The following MBNL1 variants were observed in gnomAD, a reference collection of about 807,000 sequenced individuals.
MBNL1 encodes the protein muscleblind like splicing regulator 1.
Under a neutral mutation model 42.2 loss-of-function variants are expected in MBNL1, and 8 were observed. That is an observed-to-expected ratio of 0.19 (90% CI 0.11 to 0.34). The LOEUF is 0.34. MBNL1 is among the 10% of genes least tolerant of loss of function. The pLI, the probability that MBNL1 is intolerant of heterozygous loss-of-function variation, is 1.00. For synonymous variants in MBNL1, 169 were observed against 173.9 expected, an observed-to-expected ratio of 0.97 and a Z score of 0.22; for missense variants, 309 against 495.3, an observed-to-expected ratio of 0.62 and a Z score of 3.57.
chr3:152,264,025 G>C (rs1576821723), upstream of MBNL1: 1 of 150,826 alleles, frequency 6.6e-6, no homozygotes, highest in African/African-American at 2.4e-5. Flanking sequence ...GCCTGCATAT[G>C]ACCAGCTCAG....
At chr3:152,452,261 G>A (rs67601303) in intron 6 of MBNL1, among the ~76,000 whole-genome samples, 15,742 of 152,140 alleles carry the variant, frequency 0.1, 1,055 homozygotes, top group Middle Eastern at 0.18. Flanking sequence ...TGAAATTACG[G>A]CGTGTAAGAA....
At chr3:152,285,225 CCTTCTTTTGG>C (rs2050872258) in intron 1 of MBNL1, among the ~76,000 whole-genome samples, 1 of 152,180 alleles carries the variant, frequency 6.6e-6, no homozygotes, top group Non-Finnish European at 1.5e-5. Flanking sequence ...TATCTCTCTC[CCTTCTTTTGG>C]CTTCTGTTGT....
intron 2 of MBNL1, among the ~76,000 whole-genome samples, chr3:152,352,832 G>C (rs1441958924): frequency 2.6e-5 from 4 of 152,196 alleles, no homozygotes; most frequent in Non-Finnish European, 4.4e-5. Flanking sequence ...TTGTGTCAGT[G>C]CTCACTTAGT....
Position 152,249,984 on chromosome 3 carries a change from G to T in MBNL1, n.333+5544G>T, listed in dbSNP as rs1304449377. Among the ~76,000 whole-genome samples the T allele has an allele frequency of 1.5e-3, 217 of 146,386 alleles. 1 individual carries two copies. The highest frequency in any genetic ancestry group is 0.014 in the Middle Eastern group (4 of 284). On this transcript the variant is annotated intron_variant and non_coding_transcript_variant, in intron 2 of 2. Transcript: ENST00000477171. The stretch of plus-strand genomic sequence containing the variant: ...TTCTGTTCCATTGATCTATATCTCT[G>T]TTTTGGTACCAGTACCATGCTGTTT...
At chr3:152,280,149 T>C (rs1457020328) in intron 1 of MBNL1, among the ~76,000 whole-genome samples, 4 of 152,092 alleles carry the variant, frequency 2.6e-5, no homozygotes, top group Admixed American at 6.6e-5. Context: ...CTATACCCTT[T>C]GGAGGAAAAA....
intron 9 of MBNL1, among the ~76,000 whole-genome samples, chr3:152,460,617 A>G (rs1002127264): frequency 3.9e-5 from 6 of 151,980 alleles, no homozygotes; most frequent in Non-Finnish European, 7.4e-5. Flanking sequence ...AGTATAAAAA[A>G]AAAAACAAAA....
intron 1 of MBNL1, among the ~76,000 whole-genome samples, chr3:152,277,280 G>A (rs1369515621): frequency 2.6e-5 from 4 of 151,998 alleles, no homozygotes; most frequent in South Asian, 2.1e-4. Flanking sequence ...TAATTTCAAC[G>A]TTAGGCCTAT....
intron 1 of MBNL1, among the ~76,000 whole-genome samples, chr3:152,290,543 A>G (rs567897915): frequency 5.9e-5 from 9 of 152,210 alleles, no homozygotes; most frequent in South Asian, 2.1e-4. Context: ...TCTGTGATCA[A>G]TTAACTTCAT....
intron 2 of MBNL1, among the ~76,000 whole-genome samples, chr3:152,347,722 G>A (rs1436828921): frequency 6.6e-6 from 1 of 152,084 alleles, no homozygotes; most frequent in Non-Finnish European, 1.5e-5. Flanking sequence ...TGTTTTCTCG[G>A]AAGTATACCT....
At chr3:152,415,271 A>G (rs2098678555) in intron 3 of MBNL1, among the ~76,000 whole-genome samples, 160 bp downstream of exon 3, 1 of 152,226 alleles carries the variant, frequency 6.6e-6, no homozygotes, top group Non-Finnish European at 1.5e-5. Flanking sequence ...TGCTGGAACA[A>G]TTTATACTTT....
chr3:152,413,543 A>G (rs551655557), intron 2 of MBNL1, among the ~76,000 whole-genome samples: 4 of 152,318 alleles, frequency 2.6e-5, no homozygotes, highest in Admixed American at 2.0e-4. Flanking sequence ...GCAGTATCCT[A>G]TGATTCTAGC....
At chr3:152,455,445 T>G (rs1248530940) in intron 6 of MBNL1, 97 bp from the exon 7 acceptor site, 6 of 990,046 alleles carry the variant, frequency 6.1e-6, no homozygotes, top group Non-Finnish European at 9.7e-6. Flanking sequence ...ATTTTTCTTC[T>G]TTGTTCAAAT....
chr3:152,299,034 A>C (rs1335468814), intron 1 of MBNL1: 1 of 152,616 alleles, frequency 6.6e-6, no homozygotes, highest in African/African-American at 2.4e-5. Flanking sequence ...TTGCAGTGGA[A>C]TAAGTCACAT....
chr3:152,460,665 A>G (rs909643437), intron 9 of MBNL1, among the ~76,000 whole-genome samples: 1 of 151,850 alleles, frequency 6.6e-6, no homozygotes, highest in Admixed American at 6.5e-5. Context: ...AAAGGTGTCC[A>G]TTTTTCATCC....
chr3:152,414,669 A>C (rs1018493258), intron 2 of MBNL1, among the ~76,000 whole-genome samples: 1 of 152,190 alleles, frequency 6.6e-6, no homozygotes, highest in African/African-American at 2.4e-5. Context: ...GTAGATTTTT[A>C]AACTTGAATC....
chr3:152,376,354 T>C (rs1392635272), intron 2 of MBNL1, among the ~76,000 whole-genome samples: 3 of 152,216 alleles, frequency 2.0e-5, no homozygotes, highest in African/African-American at 7.2e-5. Flanking sequence ...GAAACATACA[T>C]TGAATTATGC....
chr3:152,310,126 G>A (rs923822492), intron 2 of MBNL1, among the ~76,000 whole-genome samples: 1 of 152,162 alleles, frequency 6.6e-6, no homozygotes, highest in Non-Finnish European at 1.5e-5. Context: ...GGTTATGTGT[G>A]CTGTAAAAGA....
intron 4 of MBNL1, among the ~76,000 whole-genome samples, chr3:152,433,749 C>CAA (rs35614565): frequency 0.023 from 2,101 of 91,066 alleles, 68 homozygotes; most frequent in African/African-American, 0.067. Context: ...GACTCCGTCT[C>CAA]AAAAAAAAAA....
intron 2 of MBNL1, among the ~76,000 whole-genome samples, chr3:152,406,096 C>A (rs1207831797): frequency 1.3e-5 from 2 of 152,170 alleles, no homozygotes; most frequent in Non-Finnish European, 2.9e-5. Flanking sequence ...TTCACAAGGT[C>A]ATAGAGACTC....
Sources: allele counts gnomAD v4.1 joint callset (sites outside exome capture counted in the v4.1 genomes callset), GRCh38; gene constraint gnomAD v4.1.1; transcripts MANE v1.5; gene names NCBI Gene and HGNC (gene_info 2026-07-23, HGNC 2026-07-21).